Variants in HMGCS1 observed in about 807,000 individuals in gnomAD.
The protein encoded by HMGCS1 is hydroxymethylglutaryl-CoA synthase, cytoplasmic.
A neutral mutation model predicts 52.3 loss-of-function variants in HMGCS1; 9 were observed. The ratio of observed to expected loss-of-function variants is 0.17; its 90% CI spans 0.10 to 0.30. The LOEUF (loss-of-function observed/expected upper bound fraction) is 0.30, where lower values mean the gene tolerates loss of function less well. Ranked by LOEUF, HMGCS1 falls within the 10% of genes least tolerant of loss-of-function variation. The pLI is 1.00. For missense variants in HMGCS1, 320 were observed against 620.9 expected, an observed-to-expected ratio of 0.52 and a Z score of 5.15; for synonymous variants, 176 against 214.4, an observed-to-expected ratio of 0.82 and a Z score of 1.57.
At position 43,291,056 on chromosome 5, in the gene HMGCS1, C is replaced by T; in HGVS notation, c.*75G>A. 1 of 835,282 alleles carries T rather than the reference C, an allele frequency of 1.2e-6. No individual in the cohort carries two copies. The highest frequency in any genetic ancestry group is 2.1e-6 in the Non-Finnish European group (1 of 481,314). The allele number at this position is 835,282 out of a possible 1,614,324, so 51.7% of individuals were successfully genotyped here. On this transcript the variant is annotated 3_prime_UTR_variant, in exon 11 of 11. Coordinates refer to ENST00000325110, the MANE Select transcript of HMGCS1 (RefSeq NM_001098272.3). Reference sequence around the variant, plus strand: ...ATCCTTTAAAATTATCCCCAGATATCCCATTCCTCCAACTGTTCCCATACC... The same window carrying T: ...ATCCTTTAAAATTATCCCCAGATATTCCATTCCTCCAACTGTTCCCATACC...
intron 2 of HMGCS1, among the ~76,000 whole-genome samples, chr5:43,303,097 T>C (rs184326373): frequency 1.1e-3 from 171 of 152,380 alleles, no homozygotes; most frequent in African/African-American, 3.6e-3. Context: ...TTAATTTAAT[T>C]GGCAATGAAG....
rs537467900 is a variant in HMGCS1, at chr5:43,287,748, C to T, written c.*3383G>A. 1 of 152,326 alleles carries T rather than the reference C, an allele frequency of 6.6e-6. No individual in the cohort carries two copies. Among genetic ancestry groups the T allele is most frequent in the Admixed American group, 6.5e-5 (1 of 15,292 alleles). 9.4% of individuals were successfully genotyped at this position (152,326 alleles called of 1,614,324 possible). ...CCTTTGGGCTGTGCAATTGGGAGTA[C>T]CAAACAAGTTCTGCAGACATTCCAC... is the stretch of plus-strand genomic sequence containing the variant. On this transcript the variant is annotated 3_prime_UTR_variant, in exon 11 of 11. Transcript: ENST00000325110.
At chr5:43,295,637 A>T in intron 6 of HMGCS1, 115 bp downstream of exon 6, 1 of 732,458 alleles carries the variant, frequency 1.4e-6, no homozygotes, top group East Asian at 2.5e-5. Context: ...ATTAGACTGG[A>T]TGACTTCTAA....
In HMGCS1 at chr5:43,289,775, A is replaced by G. The variant is rs1561104107; in HGVS notation, c.*1356T>C. On this transcript the variant is annotated 3_prime_UTR_variant, in exon 11 of 11. Transcript: ENST00000325110. ...ATATTACCTTGCAATCTGAAACATT[A>G]TATTTCATATTTGTGTATATTTATT... The G allele has an allele frequency of 1.3e-5, 2 of 152,618 alleles. No homozygotes were observed. Among genetic ancestry groups the G allele is most frequent in the Admixed American group, 6.5e-5 (1 of 15,270 alleles). 9.5% of individuals were successfully genotyped at this position (152,618 alleles called of 1,614,324 possible). A position where few individuals can be genotyped will look rare whatever the true frequency, so the allele number is the denominator to read the frequency against.
intron 2 of HMGCS1, among the ~76,000 whole-genome samples, chr5:43,300,136 C>T (rs1754240928): frequency 6.6e-6 from 1 of 152,134 alleles, no homozygotes; most frequent in African/African-American, 2.4e-5. Flanking sequence ...TTCTTGAGTA[C>T]TTCCAATATT....
Position 43,292,530 on chromosome 5 carries a change from T to C in HMGCS1, c.1417A>G (p.Asn473Asp), listed in dbSNP as rs953178872. The change falls in exon 10 of 11, where the codon AAT becomes GAT. Residue 473 changes from asparagine to aspartate, a missense_variant. Asn to Asp is a conservative substitution (Grantham distance 23). Transcript: ENST00000325110. ...ACTCCTTCATCCAAAGTGTCATCAT[T>C]TGGAGTGGGACGCCGAGCGTAAGTT... is the stretch of plus-strand genomic sequence containing the variant. ...RRTYARRPTP[N>D]DDTLDEGVGL... 1 of 1,613,898 alleles carries C rather than the reference T, an allele frequency of 6.2e-7. No individual in the cohort carries two copies. Among genetic ancestry groups the C allele is most frequent in the African/African-American group, 1.3e-5 (1 of 74,924 alleles).
intron 1 of HMGCS1, among the ~76,000 whole-genome samples, chr5:43,310,075 G>A (rs1409357699): frequency 6.6e-6 from 1 of 152,214 alleles, no homozygotes; most frequent in East Asian, 1.9e-4. Flanking sequence ...TGTTACAGGA[G>A]ATAAATCTAG....
intron 2 of HMGCS1, among the ~76,000 whole-genome samples, chr5:43,304,717 C>T (rs1200300280): frequency 6.6e-6 from 1 of 152,128 alleles, no homozygotes. Flanking sequence ...CCACATACAT[C>T]AAATGGAAAG....
In HMGCS1 at chr5:43,298,457, G is replaced by T; in HGVS notation, c.448+61C>A. On this transcript the variant is annotated intron_variant, in intron 3 of 10. Coordinates refer to ENST00000325110, the MANE Select transcript of HMGCS1 (RefSeq NM_001098272.3). The surrounding 1 kb of genome is among the most constrained non-coding windows in gnomAD (Gnocchi z 5.6). ...TATTGCATTAATTAAAGTGTCATCTGGGTCTATTGAACCTTAGAAAAAAAT... is the reference window on the plus strand; with the variant it reads ...TATTGCATTAATTAAAGTGTCATCTTGGTCTATTGAACCTTAGAAAAAAAT... The T allele has an allele frequency of 8.4e-7, 1 of 1,195,048 alleles. No individual in the cohort carries two copies. The highest frequency in any genetic ancestry group is 1.2e-6 in the Non-Finnish European group (1 of 828,480). 74.0% of individuals were successfully genotyped at this position (1,195,048 alleles called of 1,614,324 possible).
chr5:43,310,952 G>A (rs1042131551), intron 1 of HMGCS1, among the ~76,000 whole-genome samples: 3 of 152,130 alleles, frequency 2.0e-5, no homozygotes, highest in African/African-American at 7.2e-5. Context: ...TAGCCTCTCC[G>A]CTACTGGTGT....
At chr5:43,305,453 A>C (rs75079255) in intron 2 of HMGCS1, among the ~76,000 whole-genome samples, 3,537 of 152,170 alleles carry the variant, frequency 0.023, 99 homozygotes, top group African/African-American at 0.068. Flanking sequence ...CAGAGAATAG[A>C]ATATTCTGGT....
intron 2 of HMGCS1, among the ~76,000 whole-genome samples, chr5:43,302,604 G>GA (rs1434502240): frequency 1.3e-5 from 2 of 152,164 alleles, no homozygotes; most frequent in Non-Finnish European, 2.9e-5. Context: ...TTACACATGG[G>GA]AAAATAACAA....
intron 2 of HMGCS1, among the ~76,000 whole-genome samples, chr5:43,305,958 A>G (rs1284702178): frequency 6.6e-6 from 1 of 152,168 alleles, no homozygotes; most frequent in Non-Finnish European, 1.5e-5. Context: ...AAGTCTAAAG[A>G]GAATAATGAG....
chr5:43,301,501 T>C (rs1754315943), intron 2 of HMGCS1, among the ~76,000 whole-genome samples: 2 of 152,224 alleles, frequency 1.3e-5, no homozygotes, highest in Admixed American at 6.5e-5. Flanking sequence ...ATACAAGATA[T>C]AAGATTGCAT....
rs1754145032 is a variant in HMGCS1 at position 43,298,480 on chromosome 5, A to T, written c.448+38T>A. The stretch of plus-strand genomic sequence containing the variant: ...CTGGGTCTATTGAACCTTAGAAAAA[A>T]ATTTTGGGGGACGGCGGGGAATAGG... On this transcript the variant is annotated intron_variant, in intron 3 of 10. Transcript: ENST00000325110. The surrounding 1 kb of genome is among the most constrained non-coding windows in gnomAD (Gnocchi z 5.6). The T allele has an allele frequency of 6.5e-7, 1 of 1,547,258 alleles. No homozygotes were observed. Among genetic ancestry groups the T allele is most frequent in the African/African-American group, 1.4e-5 (1 of 72,706 alleles).
At chr5:43,303,378 C>G (rs1754413251) in intron 2 of HMGCS1, among the ~76,000 whole-genome samples, 1 of 152,246 alleles carries the variant, frequency 6.6e-6, no homozygotes, top group Admixed American at 6.5e-5. Flanking sequence ...CGAGAGCTTG[C>G]TCATGCTGTC....
intron 4 of HMGCS1, 64 bp from the exon 5 acceptor site, chr5:43,297,230 G>T: frequency 7.5e-7 from 1 of 1,330,410 alleles, no homozygotes; most frequent in Non-Finnish European, 1.1e-6. Flanking sequence ...ATGTTAATAA[G>T]TATACTGCAT....
chr5:43,294,234 T>C (rs1440519360), intron 7 of HMGCS1, 72 bp from the exon 8 acceptor site: 1 of 938,466 alleles, frequency 1.1e-6, no homozygotes, highest in African/African-American at 1.7e-5. Context: ...GCTATAAAAG[T>C]AGCAATAAAA....
In HMGCS1 at chr5:43,290,792, T is replaced by C. The variant is rs1205652504; in HGVS notation, c.*339A>G. ...TTTTTTAATTGGAGATTAGTACCTC[T>C]GCTTTCTTCTGACAGAAGTACACAA... is the stretch of plus-strand genomic sequence containing the variant. On this transcript the variant is annotated 3_prime_UTR_variant, in exon 11 of 11. Coordinates refer to ENST00000325110, the MANE Select transcript of HMGCS1 (RefSeq NM_001098272.3). The C allele has an allele frequency of 5.2e-6, 1 of 192,778 alleles. No homozygotes were observed. Among genetic ancestry groups the C allele is most frequent in the Non-Finnish European group, 1.1e-5 (1 of 94,976 alleles). 11.9% of individuals were successfully genotyped at this position (192,778 alleles called of 1,614,324 possible). A position where few individuals can be genotyped will look rare whatever the true frequency, so the allele number is the denominator to read the frequency against.
Sources: allele counts gnomAD v4.1 joint callset (sites outside exome capture counted in the v4.1 genomes callset), GRCh38; gene constraint gnomAD v4.1.1; non-coding constraint Gnocchi (gnomAD v3.1); transcripts MANE v1.5; gene names NCBI Gene and HGNC (gene_info 2026-07-23, HGNC 2026-07-21).